Variants in CEP55 observed in about 807,000 individuals in gnomAD.
The protein encoded by CEP55 is centrosomal protein of 55 kDa.
In CEP55, 57 loss-of-function variants were observed where a neutral mutation model predicts 63.2. The observed-to-expected ratio is 0.90, with a 90% confidence interval of 0.73 to 1.13. The LOEUF (loss-of-function observed/expected upper bound fraction) is 1.13, where lower values mean the gene tolerates loss of function less well. Ranked by LOEUF, CEP55 falls within the 50% of genes most tolerant of loss-of-function variation. The pLI is 0.00. For missense variants in CEP55, 456 were observed against 518.9 expected, an observed-to-expected ratio of 0.88 and a Z score of 1.18; for synonymous variants, 178 against 191.6, an observed-to-expected ratio of 0.93 and a Z score of 0.59.
intron 8 of CEP55, among the ~76,000 whole-genome samples, chr10:93,524,588 A>T (rs971302115): frequency 9.9e-5 from 15 of 152,228 alleles, no homozygotes; most frequent in Non-Finnish European, 1.6e-4. Flanking sequence ...AACTCATTTT[A>T]TGAGGCCAGC....
intron 3 of CEP55, among the ~76,000 whole-genome samples, chr10:93,506,260 A>C (rs1012195585): frequency 6.6e-6 from 1 of 152,234 alleles, no homozygotes; most frequent in Non-Finnish European, 1.5e-5. Flanking sequence ...ACTATTATTA[A>C]TACAAAACAT....
chr10:93,497,964 A>T (rs957406543), intron 1 of CEP55, among the ~76,000 whole-genome samples: 1 of 151,154 alleles, frequency 6.6e-6, no homozygotes, highest in Non-Finnish European at 1.5e-5. Context: ...ACTAATAGAT[A>T]AAAAAAAATT....
At position 93,500,163 on chromosome 10, in the gene CEP55, A is replaced by T. The variant is rs1389660980; in HGVS notation, c.112A>T (p.Lys38Ter). ...EKLKGEIAHL[K>*]TSVDEITSGK... Reference sequence around the variant, plus strand: ...ATTAAAGGGAGAAATTGCACACTTAAAGACATCAGTGGATGAAATCACAAG... The same window carrying T: ...ATTAAAGGGAGAAATTGCACACTTATAGACATCAGTGGATGAAATCACAAG... Residue 38 changes from lysine to a stop codon, truncating the protein, a stop_gained, in exon 2 of 9, where the codon AAG becomes TAG. Transcript: ENST00000371485. LOFTEE classifies it high-confidence loss of function. The T allele has an allele frequency of 6.2e-7, 1 of 1,613,876 alleles. No homozygotes were observed. Among genetic ancestry groups the T allele is most frequent in the East Asian group, 2.2e-5 (1 of 44,858 alleles).
At chr10:93,510,294 G>A (rs1243441288) in intron 4 of CEP55, among the ~76,000 whole-genome samples, 2 of 152,162 alleles carry the variant, frequency 1.3e-5, no homozygotes, top group Non-Finnish European at 2.9e-5. Context: ...CGAATTTTAA[G>A]CATAGAACTT....
chr10:93,519,720 C>A lies in CEP55; in HGVS notation c.1104C>A (p.Leu368=), dbSNP rs370915787. The change falls in exon 8 of 9, where the codon CTC becomes CTA. Residue 368 remains leucine, a synonymous_variant. Coordinates refer to ENST00000371485, the MANE Select transcript of CEP55 (RefSeq NM_018131.5). The part of the protein sequence containing the change: ...ACTLDFENEK[L]DRQHVQHQLH... The stretch of plus-strand genomic sequence containing the variant: ...CTTTAGACTTTGAAAATGAAAAACT[C>A]GACCGTCAACATGTGCAGCATCAAT... The A allele has an allele frequency of 1.2e-6, 2 of 1,614,080 alleles. No homozygotes were observed. Among genetic ancestry groups the A allele is most frequent in the Non-Finnish European group, 1.7e-6 (2 of 1,179,988 alleles).
chr10:93,518,435 C>T (rs1304755519), intron 6 of CEP55, among the ~76,000 whole-genome samples: 1 of 152,198 alleles, frequency 6.6e-6, no homozygotes, highest in Non-Finnish European at 1.5e-5. Flanking sequence ...CAGGTGCAAG[C>T]CACTGTGTCC....
chr10:93,516,851 T>C, intron 5 of CEP55, 84 bp from the exon 6 acceptor site: 1 of 937,162 alleles, frequency 1.1e-6, no homozygotes, highest in Non-Finnish European at 1.6e-6. Context: ...AATAGTGTGA[T>C]TCATTTAGAT....
At chr10:93,517,450 T>C (rs772382730) in intron 6 of CEP55, among the ~76,000 whole-genome samples, 14 of 152,120 alleles carry the variant, frequency 9.2e-5, no homozygotes, top group Non-Finnish European at 1.8e-4. Context: ...CAAAGGGAAA[T>C]TGGGGACCAG....
intron 8 of CEP55, among the ~76,000 whole-genome samples, chr10:93,521,726 G>A (rs562035862): frequency 8.5e-5 from 13 of 152,256 alleles, no homozygotes; most frequent in East Asian, 5.8e-4. Context: ...TCACACAGCC[G>A]GGTACCCCTC....
chr10:93,505,333 G>A (rs1054449294), intron 3 of CEP55, among the ~76,000 whole-genome samples: 5 of 152,246 alleles, frequency 3.3e-5, no homozygotes, highest in East Asian at 3.9e-4. Context: ...CCTTCTAGTG[G>A]CTCCACCTTC....
At chr10:93,518,184 C>G (rs2057823321) in intron 6 of CEP55, among the ~76,000 whole-genome samples, 1 of 150,542 alleles carries the variant, frequency 6.6e-6, no homozygotes, top group Admixed American at 6.6e-5. Flanking sequence ...GGGTCTTGCT[C>G]TGTCGCCCAG....
In CEP55 at chr10:93,518,911, A is replaced by G; in HGVS notation, c.1028A>G (p.Gln343Arg). Residue 343 changes from glutamine (Q) to arginine (R), a missense_variant, in exon 7 of 9, where the codon CAA becomes CGA. Gln to Arg is a conservative substitution (Grantham distance 43, BLOSUM62 1). Coordinates refer to ENST00000371485, the MANE Select transcript of CEP55 (RefSeq NM_018131.5). ...CTTTACACATCTCTGCTAAAGCAGC[A>G]AGAAGAACAAACAAGGGTAGCTCTG... The part of the protein sequence containing the change: ...QFLYTSLLKQ[Q>R]EEQTRVALLE... 1 of 1,612,774 alleles carries G rather than the reference A, an allele frequency of 6.2e-7. No individual in the cohort carries two copies. Among genetic ancestry groups the G allele is most frequent in the Non-Finnish European group, 8.5e-7 (1 of 1,178,804 alleles).
intron 3 of CEP55, among the ~76,000 whole-genome samples, chr10:93,505,739 T>C (rs1434867080): frequency 6.6e-6 from 1 of 152,212 alleles, no homozygotes; most frequent in Non-Finnish European, 1.5e-5. Flanking sequence ...TTGGCCAGCC[T>C]GGCTACCTAG....
chr10:93,523,113 T>C (rs2057880938), intron 8 of CEP55, among the ~76,000 whole-genome samples: 1 of 152,212 alleles, frequency 6.6e-6, no homozygotes, highest in African/African-American at 2.4e-5. Flanking sequence ...GTAAATGGGC[T>C]AAATGCTACA....
chr10:93,519,302 A>G lies in CEP55; in HGVS notation c.1065+354A>G, dbSNP rs533775188. On this transcript the variant is annotated intron_variant, in intron 7 of 8. Transcript: ENST00000371485. ...AACTTCAAGCAGAACTTGGAGAGAC[A>G]CCATTTAGTCTCAGAATGTATTATA... is the stretch of plus-strand genomic sequence containing the variant. Among the ~76,000 whole-genome samples the G allele has an allele frequency of 2.6e-5, 4 of 152,310 alleles. No individual in the cohort carries two copies. In the East Asian group the frequency reaches 7.7e-4, roughly 29 times the overall value.
chr10:93,514,003 G>T (rs1043300669), intron 4 of CEP55, among the ~76,000 whole-genome samples: 2 of 150,658 alleles, frequency 1.3e-5, no homozygotes, highest in Non-Finnish European at 3.0e-5. Context: ...GGAGTGCAGT[G>T]GCGCAATCTT....
At position 93,527,926 on chromosome 10, in the gene CEP55, T is replaced by G. The variant is rs775825174; in HGVS notation, c.1192-24T>G. 19 of 1,593,588 alleles carry G rather than the reference T, an allele frequency of 1.2e-5. No individual in the cohort carries two copies. In the Admixed American group the frequency reaches 3.1e-4, roughly 26 times the overall value. The stretch of plus-strand genomic sequence containing the variant: ...GAACATTGGCCCTATTTACAAATTC[T>G]ATTATTTGAAACTTATTTTTCAGAA... On this transcript the variant is annotated intron_variant, in intron 8 of 8. Coordinates refer to ENST00000371485, the MANE Select transcript of CEP55 (RefSeq NM_018131.5).
intron 4 of CEP55, among the ~76,000 whole-genome samples, chr10:93,507,962 T>C (rs1354576910): frequency 1.3e-5 from 2 of 152,360 alleles, no homozygotes; most frequent in East Asian, 3.9e-4. Flanking sequence ...TTTATTCTTA[T>C]AATGTAATTT....
chr10:93,503,950 A>C (rs1476914279), intron 3 of CEP55, among the ~76,000 whole-genome samples: 1 of 149,566 alleles, frequency 6.7e-6, no homozygotes, highest in Non-Finnish European at 1.5e-5. Context: ...ACTTCTCCAG[A>C]CCCCTGTTCT....
Sources: allele counts gnomAD v4.1 joint callset (sites outside exome capture counted in the v4.1 genomes callset), GRCh38; gene constraint gnomAD v4.1.1; transcripts MANE v1.5; gene names NCBI Gene and HGNC (gene_info 2026-07-23, HGNC 2026-07-21).